TRAPPC6A: variants seen among roughly 807,000 people sequenced by gnomAD.
TRAPPC6A encodes the protein TRAPP complex subunit 6A.
Under a neutral mutation model 20.8 loss-of-function variants are expected in TRAPPC6A, and 25 were observed. The ratio of observed to expected loss-of-function variants is 1.20; its 90% CI spans 0.88 to 1.68. TRAPPC6A has a LOEUF of 1.68. Ranked by LOEUF, TRAPPC6A falls within the 40% of genes most tolerant of loss-of-function variation. TRAPPC6A has a pLI of 0.00. For missense variants in TRAPPC6A, 215 were observed against 211.6 expected (o/e 1.02, Z -0.10); for synonymous variants, 96 against 93.3 (o/e 1.03, Z -0.16).
rs1213454870 is a variant in TRAPPC6A, at chr19:45,164,849, C to T, written c.270+4G>A. 6.2e-7 allele frequency: 1 copy of T among 1,613,436 alleles called. No homozygotes were observed. Among genetic ancestry groups the T allele is most frequent in the Admixed American group, 1.7e-5 (1 of 59,994 alleles). On this transcript the variant is annotated splice_donor_region_variant and intron_variant, in intron 3 of 5. Coordinates refer to ENST00000585934, the MANE Select transcript of TRAPPC6A (RefSeq NM_001270891.2). ...GCTGGACGGGCAGGCCGGGGTGCTCCCACCTGGTGATTGGTGCGCAGGCTG... is the reference window on the plus strand; with the variant it reads ...GCTGGACGGGCAGGCCGGGGTGCTCTCACCTGGTGATTGGTGCGCAGGCTG...
In TRAPPC6A at chr19:45,164,852, C is replaced by A; in HGVS notation, c.270+1G>T. 1 of 1,613,816 alleles carries A rather than the reference C, an allele frequency of 6.2e-7. No homozygotes were observed. The highest frequency in any genetic ancestry group is 1.1e-5 in the South Asian group (1 of 91,086). On this transcript the variant is annotated splice_donor_variant, in intron 3 of 5. Coordinates refer to ENST00000585934, the MANE Select transcript of TRAPPC6A (RefSeq NM_001270891.2). LOFTEE classifies it high-confidence loss of function. The stretch of plus-strand genomic sequence containing the variant: ...GGACGGGCAGGCCGGGGTGCTCCCA[C>A]CTGGTGATTGGTGCGCAGGCTGTCC...
chr19:45,163,001 A>G lies in TRAPPC6A; in HGVS notation c.*191T>C, dbSNP rs1969041444. Reference sequence around the variant, plus strand: ...GCTGCCGAGGCGGGAATCCCACCACAGTCCTGACCGCAGCTGGGACCCCTT... The same window carrying G: ...GCTGCCGAGGCGGGAATCCCACCACGGTCCTGACCGCAGCTGGGACCCCTT... On this transcript the variant is annotated 3_prime_UTR_variant, in exon 6 of 6. Coordinates refer to ENST00000585934, the MANE Select transcript of TRAPPC6A (RefSeq NM_001270891.2). The surrounding 1 kb of genome is among the most constrained non-coding windows in gnomAD (Gnocchi z 5.3). 1.1e-5 allele frequency: 6 copies of G among 540,162 alleles called. No individual in the cohort carries two copies. The highest frequency in any genetic ancestry group is 7.3e-5 in the Admixed American group (2 of 27,310). The allele number at this position is 540,162 out of a possible 1,614,324, so 33.5% of individuals were successfully genotyped here.
chr19:45,171,812 A>C (rs571753172), intron 1 of TRAPPC6A, among the ~76,000 whole-genome samples: 12 of 152,356 alleles, frequency 7.9e-5, no homozygotes, highest in Admixed American at 4.6e-4. Flanking sequence ...AGGAAGATTC[A>C]CACGTCCAGA....
At chr19:45,171,264 C>T (rs1969261674) in intron 1 of TRAPPC6A, among the ~76,000 whole-genome samples, 1 of 150,946 alleles carries the variant, frequency 6.6e-6, no homozygotes, top group Admixed American at 6.6e-5. Flanking sequence ...ATCACACCAA[C>T]ACATTCCAGC....
intron 1 of TRAPPC6A, among the ~76,000 whole-genome samples, chr19:45,175,260 CA>C (rs35729001): frequency 0.33 from 33,587 of 103,196 alleles, 5,220 homozygotes; most frequent in Non-Finnish European, 0.39. Context: ...GACTCTGTCT[CA>C]AAAAAAAAAA....
intron 1 of TRAPPC6A, among the ~76,000 whole-genome samples, chr19:45,176,207 A>G (rs1330429064): frequency 5.3e-5 from 8 of 152,116 alleles, no homozygotes; most frequent in Non-Finnish European, 1.0e-4. Context: ...CTGTAATCCC[A>G]GCACTTTGGA....
intron 1 of TRAPPC6A, among the ~76,000 whole-genome samples, chr19:45,174,827 T>C (rs1969331584): frequency 6.6e-6 from 1 of 150,504 alleles, no homozygotes; most frequent in African/African-American, 2.4e-5. Flanking sequence ...AGACTCTCTT[T>C]AAAAAAAAAT....
intron 1 of TRAPPC6A, among the ~76,000 whole-genome samples, chr19:45,167,162 A>T (rs1401860431): frequency 6.6e-6 from 1 of 152,114 alleles, no homozygotes; most frequent in Non-Finnish European, 1.5e-5. Context: ...GCCAACACAG[A>T]GCTTGGCATG....
chr19:45,177,191 G>GCGCGCACACACACACA (rs61484972), intron 1 of TRAPPC6A, among the ~76,000 whole-genome samples: 1 of 147,890 alleles, frequency 6.8e-6, no homozygotes, highest in African/African-American at 2.5e-5. Flanking sequence ...GCGCGTGCGC[G>GCGCGCACACACACACA]CACACACACA....
intron 4 of TRAPPC6A, 27 bp from the exon 5 acceptor site, chr19:45,164,036 G>A (rs569836845): frequency 1.3e-6 from 2 of 1,560,450 alleles, no homozygotes; most frequent in African/African-American, 2.7e-5. Context: ...GACCAGCATG[G>A]GAAGAGAGGG....
chr19:45,171,815 C>T lies in TRAPPC6A; in HGVS notation c.84+6320G>A, dbSNP rs958083468. Among the ~76,000 whole-genome samples, 4 of 152,206 alleles carry T rather than the reference C, an allele frequency of 2.6e-5. 1 individual carries two copies. The South Asian group carries it at 8.3e-4, about 32-fold the overall frequency. ...GTCCTGAGCTAAAGGAAGATTCACACGTCCAGACTGAAGCCAAGGGGTTGA... is the reference window on the plus strand; with the variant it reads ...GTCCTGAGCTAAAGGAAGATTCACATGTCCAGACTGAAGCCAAGGGGTTGA... On this transcript the variant is annotated intron_variant, in intron 1 of 5. Transcript: ENST00000585934.
At chr19:45,167,120 C>T (rs536673984) in intron 1 of TRAPPC6A, among the ~76,000 whole-genome samples, 1 of 152,288 alleles carries the variant, frequency 6.6e-6, no homozygotes, top group East Asian at 1.9e-4. Context: ...GGTGGGGACC[C>T]AGGCTGACCA....
intron 1 of TRAPPC6A, among the ~76,000 whole-genome samples, chr19:45,171,485 T>C (rs1361755981): frequency 6.6e-6 from 1 of 152,156 alleles, no homozygotes; most frequent in Non-Finnish European, 1.5e-5. Context: ...GGAAGTCTTA[T>C]CAGTGTCGGT....
Position 45,173,545 on chromosome 19 carries a change from T to C in TRAPPC6A, c.84+4590A>G, listed in dbSNP as rs971669448. ...GCTGAACCACCTCGAAATCCCTTCC[T>C]CTACCAAGCACAGGGTCCCTCCTCT... On this transcript the variant is annotated intron_variant, in intron 1 of 5. Transcript: ENST00000585934. This position sits in a 1 kb window ranked among gnomAD's most constrained non-coding sequence, Gnocchi z 4.8. 6.6e-6 allele frequency among the ~76,000 whole-genome samples: 1 copy of C among 152,192 alleles called. No homozygotes were observed. Among genetic ancestry groups the C allele is most frequent in the Non-Finnish European group, 1.5e-5 (1 of 68,026 alleles).
intron 1 of TRAPPC6A, among the ~76,000 whole-genome samples, chr19:45,171,299 C>CTCAAAACAAA (rs1555749991): frequency 0.073 from 10,991 of 149,934 alleles, 530 homozygotes; most frequent in Non-Finnish European, 0.092. Context: ...GAGACTCAGT[C>CTCAAAACAAA]ACAAAACAAA....
chr19:45,165,715 C>T (rs1458244026), intron 1 of TRAPPC6A, among the ~76,000 whole-genome samples: 1 of 152,188 alleles, frequency 6.6e-6, no homozygotes, highest in African/African-American at 2.4e-5. Flanking sequence ...CACGTGGAAG[C>T]TCGGGACAGG....
Position 45,173,723 on chromosome 19 carries a change from A to G in TRAPPC6A, c.84+4412T>C, listed in dbSNP as rs1411156891. 1.3e-5 allele frequency among the ~76,000 whole-genome samples: 2 copies of G among 152,170 alleles called. No individual in the cohort carries two copies. Among genetic ancestry groups the G allele is most frequent in the Admixed American group, 6.5e-5 (1 of 15,284 alleles). ...GAGAGAGGAGGTGGGGCCAATAAAG[A>G]GAAAGGACTGAGGAAGCCGTTTCTC... On this transcript the variant is annotated intron_variant, in intron 1 of 5. Transcript: ENST00000585934. This position sits in a 1 kb window ranked among gnomAD's most constrained non-coding sequence, Gnocchi z 4.8.
chr19:45,166,532 T>A (rs1283621613), intron 1 of TRAPPC6A, among the ~76,000 whole-genome samples: 2 of 149,960 alleles, frequency 1.3e-5, no homozygotes, highest in Non-Finnish European at 3.0e-5. Context: ...TTTTTTTTTT[T>A]CATTCGGGTG....
Position 45,178,115 on chromosome 19 carries a change from C to G in TRAPPC6A, c.84+20G>C. On this transcript the variant is annotated intron_variant, in intron 1 of 5. Coordinates refer to ENST00000585934, the MANE Select transcript of TRAPPC6A (RefSeq NM_001270891.2). ...TACCTTGGTGGCCCCCGCTTCCTCCCCACGGAGCCCGGCGCTCACCCCCGG... is the reference window on the plus strand; with the variant it reads ...TACCTTGGTGGCCCCCGCTTCCTCCGCACGGAGCCCGGCGCTCACCCCCGG... 4.3e-6 allele frequency: 7 copies of G among 1,613,118 alleles called. No homozygotes were observed. Among genetic ancestry groups the G allele is most frequent in the Non-Finnish European group, 5.9e-6 (7 of 1,179,486 alleles).
Sources: allele counts gnomAD v4.1 joint callset (sites outside exome capture counted in the v4.1 genomes callset), GRCh38; gene constraint gnomAD v4.1.1; non-coding constraint Gnocchi (gnomAD v3.1); transcripts MANE v1.5; gene names NCBI Gene and HGNC (gene_info 2026-07-23, HGNC 2026-07-21).